MYO1E: variants seen among roughly 807,000 people sequenced by gnomAD.
The protein encoded by MYO1E is myosin IE, also known as unconventional myosin-Ie.
MYO1E carries 68 observed loss-of-function variants against 151.1 expected under a neutral mutation model. That is an observed-to-expected ratio of 0.45 (90% confidence interval 0.37 to 0.55). The LOEUF is 0.55. MYO1E is among the 20% of genes least tolerant of loss of function. MYO1E has a pLI of 0.00. For synonymous variants in MYO1E, 601 were observed against 501.7 expected (o/e 1.20, Z -2.64); for missense variants, 1,363 against 1,389.3 (o/e 0.98, Z 0.30).
At chr15:59,226,257 C>T (rs956235695) in intron 7 of MYO1E, among the ~76,000 whole-genome samples, 4 of 152,128 alleles carry the variant, frequency 2.6e-5, no homozygotes, top group African/African-American at 7.2e-5. Flanking sequence ...AATTATTTGG[C>T]ATTGCCTAAG....
At chr15:59,264,340 T>C (rs1288314765) in intron 2 of MYO1E, among the ~76,000 whole-genome samples, 2 of 152,202 alleles carry the variant, frequency 1.3e-5, no homozygotes, top group East Asian at 3.8e-4. Context: ...TCAGGCAGTC[T>C]GGATCCCACG....
Position 59,250,511 on chromosome 15 carries a change from A to G in MYO1E, c.332+5773T>C, listed in dbSNP as rs148578717. 2.0e-5 allele frequency among the ~76,000 whole-genome samples: 3 copies of G among 151,968 alleles called. No homozygotes were observed. The East Asian group carries it at 5.8e-4, about 29-fold the overall frequency. On this transcript the variant is annotated intron_variant, in intron 4 of 27. Transcript: ENST00000288235. ...GGGACCCTCCCAGACCTCGCCCTCA[A>G]CCTCTTTTGTTTGGCTTTAATTTGT...
intron 1 of MYO1E, among the ~76,000 whole-genome samples, chr15:59,315,088 C>T (rs1035251579): frequency 2.6e-5 from 4 of 152,170 alleles, no homozygotes; most frequent in African/African-American, 9.7e-5. Flanking sequence ...CACCAGCTTA[C>T]AGCTTCTGAT....
chr15:59,260,819 G>A (rs960384172), intron 3 of MYO1E, among the ~76,000 whole-genome samples: 3 of 152,016 alleles, frequency 2.0e-5, no homozygotes, highest in African/African-American at 7.3e-5. Flanking sequence ...TGGCATATAT[G>A]GAAGCAGGAA....
chr15:59,135,869 T>C lies in MYO1E; in HGVS notation c.*1511A>G, dbSNP rs573046740. 1 of 152,322 alleles carries C rather than the reference T, an allele frequency of 6.6e-6. No homozygotes were observed. Among genetic ancestry groups the C allele is most frequent in the Admixed American group, 6.5e-5 (1 of 15,306 alleles). 9.4% of individuals were successfully genotyped at this position (152,322 alleles called of 1,614,324 possible). A position where few individuals can be genotyped will look rare whatever the true frequency, so the allele number is the denominator to read the frequency against. ...CAGTCTCTACTTACAACCATTCCAT[T>C]ATTGATGGGCATTACACTGATTCCA... On this transcript the variant is annotated 3_prime_UTR_variant, in exon 28 of 28. Coordinates refer to ENST00000288235, the MANE Select transcript of MYO1E (RefSeq NM_004998.4).
At chr15:59,162,344 C>T (rs571081276) in intron 23 of MYO1E, among the ~76,000 whole-genome samples, 2 of 152,158 alleles carry the variant, frequency 1.3e-5, no homozygotes, top group South Asian at 4.1e-4. Context: ...ATCATGTTGC[C>T]AAAAGAAATG....
intron 1 of MYO1E, among the ~76,000 whole-genome samples, chr15:59,343,846 T>A (rs1411161201): frequency 1.3e-5 from 2 of 152,168 alleles, no homozygotes; most frequent in Non-Finnish European, 2.9e-5. Flanking sequence ...CTCGAGAATT[T>A]CTGCCTGATT....
chr15:59,166,708 A>G (rs2079564495), intron 22 of MYO1E, among the ~76,000 whole-genome samples: 1 of 152,170 alleles, frequency 6.6e-6, no homozygotes, highest in South Asian at 2.1e-4. Context: ...CTTGCCCAGA[A>G]TTCTACCACT....
In MYO1E at chr15:59,305,808, G is replaced by T. The variant is rs572388141; in HGVS notation, c.4-33359C>A. On this transcript the variant is annotated intron_variant, in intron 1 of 27. Transcript: ENST00000288235. The stretch of plus-strand genomic sequence containing the variant: ...CAGCCTACCATGTAGTTTAGATGTG[G>T]CCGTGTGACATAAGTGGAAGGGGTG... Among the ~76,000 whole-genome samples the T allele has an allele frequency of 2.6e-5, 4 of 152,282 alleles. 1 individual carries two copies. The South Asian group carries it at 8.3e-4, about 32-fold the overall frequency.
chr15:59,173,595 G>T, intron 21 of MYO1E, 151 bp downstream of exon 21: 2 of 821,224 alleles, frequency 2.4e-6, no homozygotes. Flanking sequence ...CTGGGCATAG[G>T]TGCCTGTTTA....
At chr15:59,343,595 C>G (rs1283989068) in intron 1 of MYO1E, among the ~76,000 whole-genome samples, 7 of 152,090 alleles carry the variant, frequency 4.6e-5, no homozygotes, top group Non-Finnish European at 8.8e-5. Flanking sequence ...AAACTTTCCA[C>G]CATTATCTCT....
Position 59,149,066 on chromosome 15 carries a change from T to G in MYO1E, c.3080+4524A>C, listed in dbSNP as rs1389002393. 4.1e-5 allele frequency among the ~76,000 whole-genome samples: 6 copies of G among 146,332 alleles called. No individual in the cohort carries two copies. The Middle Eastern group carries it at 0.011, about 259-fold the overall frequency. ...TTTTTTTTTTTGTTTTTTTTTTTTT[T>G]TTTTTTTTGAGACAGAGTCTTGCTC... On this transcript the variant is annotated intron_variant, in intron 26 of 27. Transcript: ENST00000288235.
intron 24 of MYO1E, among the ~76,000 whole-genome samples, chr15:59,160,336 C>CGTGCGTGT (rs1555407720): frequency 6.7e-5 from 8 of 120,084 alleles, no homozygotes; most frequent in Non-Finnish European, 1.4e-4. Flanking sequence ...TGAGGTAGTG[C>CGTGCGTGT]GTGTGTGTGT....
At chr15:59,232,839 A>C (rs543944905) in intron 5 of MYO1E, among the ~76,000 whole-genome samples, 1 of 152,324 alleles carries the variant, frequency 6.6e-6, no homozygotes, top group Admixed American at 6.5e-5. Flanking sequence ...TGTAACAGCC[A>C]AAGTGTTACA....
chr15:59,336,530 G>A (rs2080729600), intron 1 of MYO1E, among the ~76,000 whole-genome samples: 1 of 152,044 alleles, frequency 6.6e-6, no homozygotes, highest in Admixed American at 6.5e-5. Context: ...TTGGACATGT[G>A]TTGGATCATC....
intron 1 of MYO1E, among the ~76,000 whole-genome samples, chr15:59,354,890 C>T (rs540850022): frequency 9.9e-5 from 15 of 152,262 alleles, no homozygotes; most frequent in Admixed American, 9.2e-4. Context: ...GGAGCCCCAC[C>T]GAACCACTAA....
At chr15:59,280,172 GCTTT>G (rs1353060151) in intron 1 of MYO1E, among the ~76,000 whole-genome samples, 7 of 152,102 alleles carry the variant, frequency 4.6e-5, no homozygotes, top group Admixed American at 3.3e-4. Context: ...AGACACGACA[GCTTT>G]CTTTTACTTT....
At position 59,207,293 on chromosome 15, in the gene MYO1E, G is replaced by A. The variant is rs144508112; in HGVS notation, c.1530+1388C>T. ...GAGACGATGGATCTTCAACATGGCAGCCCTTTCACGAAAATGCCAAATATT... is the reference window on the plus strand; with the variant it reads ...GAGACGATGGATCTTCAACATGGCAACCCTTTCACGAAAATGCCAAATATT... On this transcript the variant is annotated intron_variant, in intron 14 of 27. Transcript: ENST00000288235. 77 of 1,614,036 alleles carry A rather than the reference G, an allele frequency of 4.8e-5. No homozygotes were observed. Among genetic ancestry groups the A allele is most frequent in the Non-Finnish European group, 5.8e-5 (69 of 1,180,014 alleles).
intron 9 of MYO1E, among the ~76,000 whole-genome samples, chr15:59,221,503 G>A (rs1351135495): frequency 1.3e-5 from 2 of 152,066 alleles, no homozygotes; most frequent in Admixed American, 1.3e-4. Context: ...GGTATAGAAG[G>A]GAGAACTTTC....
Sources: allele counts gnomAD v4.1 joint callset (sites outside exome capture counted in the v4.1 genomes callset), GRCh38; gene constraint gnomAD v4.1.1; transcripts MANE v1.5; gene names NCBI Gene and HGNC (gene_info 2026-07-23, HGNC 2026-07-21).